The following HIP1R variants were observed in gnomAD, a reference collection of about 807,000 sequenced individuals.
HIP1R encodes the protein huntingtin-interacting protein 1-related protein.
A neutral mutation model predicts 144.2 loss-of-function variants in HIP1R; 135 were observed. The ratio of observed to expected loss-of-function variants is 0.94; its 90% CI spans 0.81 to 1.08. The LOEUF (loss-of-function observed/expected upper bound fraction) is 1.08, where lower values mean the gene tolerates loss of function less well. Ranked by LOEUF, HIP1R falls within the 50% of genes least tolerant of loss-of-function variation. The pLI is 0.00. For missense variants in HIP1R, 1,462 were observed against 1,432.8 expected (o/e 1.02, Z -0.33); for synonymous variants, 698 against 612.8 (o/e 1.14, Z -2.05).
At chr12:122,849,227 C>G (rs2033302706) in intron 4 of HIP1R, among the ~76,000 whole-genome samples, 1 of 152,278 alleles carries the variant, frequency 6.6e-6, no homozygotes, top group Non-Finnish European at 1.5e-5. Flanking sequence ...TTTGAGCACA[C>G]ACACAGTAAG....
chr12:122,860,943 C>T lies in HIP1R; in HGVS notation c.2794C>T (p.Leu932=). The T allele has an allele frequency of 1.2e-6, 2 of 1,613,122 alleles. No homozygotes were observed. Among genetic ancestry groups the T allele is most frequent in the Non-Finnish European group, 8.5e-7 (1 of 1,179,794 alleles). The change falls in exon 29 of 32, where the codon CTG becomes TTG. Residue 932 remains leucine, a synonymous_variant. Transcript: ENST00000253083. ...GAAGGCCAACAAGCACAGCCCCCAC[C>T]TGAGCCGCCTGCAGGAATGTTCTCG... is the stretch of plus-strand genomic sequence containing the variant. ...KVKANKHSPH[L]SRLQECSRTV... is the part of the protein sequence containing the mutation.
chr12:122,854,863 CAG>C (rs2033515125), intron 8 of HIP1R, 40 bp from the exon 9 acceptor site: 1 of 1,592,412 alleles, frequency 6.3e-7, no homozygotes, highest in Non-Finnish European at 8.6e-7. Flanking sequence ...AGCCCCTGAG[CAG>C]TGTGCAGAGA....
At chr12:122,844,835 C>T (rs1178465027) in intron 1 of HIP1R, among the ~76,000 whole-genome samples, 2 of 152,236 alleles carry the variant, frequency 1.3e-5, no homozygotes, top group African/African-American at 4.8e-5. Flanking sequence ...ACCAGCCAGC[C>T]TCTGGCCTGT....
intron 1 of HIP1R, among the ~76,000 whole-genome samples, chr12:122,837,336 T>TTA (rs773668467): frequency 4.0e-5 from 6 of 150,664 alleles, no homozygotes; most frequent in African/African-American, 1.5e-4. Context: ...TTTTTTTTTT[T>TTA]AAAGACAGAG....
At position 122,859,503 on chromosome 12, in the gene HIP1R, C is replaced by G. The variant is rs750381783; in HGVS notation, c.2373C>G (p.Ser791=). 2 of 1,613,296 alleles carry G rather than the reference C, an allele frequency of 1.2e-6. No individual in the cohort carries two copies. The highest frequency in any genetic ancestry group is 2.2e-5 in the South Asian group (2 of 91,074). The change falls in exon 23 of 32, where the codon TCC becomes TCG. Residue 791 remains serine (S), a synonymous_variant. Transcript: ENST00000253083. The stretch of plus-strand genomic sequence containing the variant: ...TCGACAAGGAGATGGCGGCCACATC[C>G]GCAGCCATTGAAGATGCTGTGCGGA... ...AVVDKEMAAT[S]AAIEDAVRRI...
At chr12:122,856,816 G>C in intron 17 of HIP1R, 90 bp downstream of exon 17, 1 of 1,208,036 alleles carries the variant, frequency 8.3e-7, no homozygotes, top group Non-Finnish European at 1.2e-6. Flanking sequence ...GGCCCCACCT[G>C]GGTGCCACTC....
chr12:122,843,537 G>A (rs1283631812), intron 1 of HIP1R, among the ~76,000 whole-genome samples: 1 of 152,196 alleles, frequency 6.6e-6, no homozygotes. Context: ...GCTATCCTGA[G>A]TGTATCTGCA....
At position 122,855,061 on chromosome 12, in the gene HIP1R, ACTT is replaced by A. The variant is rs1234019656; in HGVS notation, c.790_792del (p.Phe264del). On this transcript the variant is annotated inframe_deletion, in exon 10 of 32. Coordinates refer to ENST00000253083, the MANE Select transcript of HIP1R (RefSeq NM_003959.3). ...TCCCACCATCTCTGCAGCCTCAGGA[ACTT>A]CTTCCGCAGAGCCTCCGACATGCTG... 8.1e-6 allele frequency: 13 copies of A among 1,613,626 alleles called. No homozygotes were observed. The highest frequency in any genetic ancestry group is 1.3e-5 in the African/African-American group (1 of 74,872).
rs1418408132 is a variant in HIP1R, at chr12:122,856,633, G to A, written c.1527G>A (p.Glu509=). 1 of 1,605,358 alleles carries A rather than the reference G, an allele frequency of 6.2e-7. No individual in the cohort carries two copies. The highest frequency in any genetic ancestry group is 2.2e-5 in the East Asian group (1 of 44,650). The change falls in exon 17 of 32, where the codon GAG becomes GAA. Residue 509 remains glutamate (E), a synonymous_variant. Transcript: ENST00000253083. The stretch of plus-strand genomic sequence containing the variant: ...ACGCTGTCCTGTCCCAGCTAGAGGA[G>A]AAGAGCGACCAGCTGGAGAAGCTCA... ...VKRESELKLE[E]KSDQLEKLKR... is the part of the protein sequence containing the mutation.
intron 1 of HIP1R, among the ~76,000 whole-genome samples, chr12:122,837,546 T>A (rs555628025): frequency 6.6e-6 from 1 of 152,360 alleles, no homozygotes; most frequent in East Asian, 1.9e-4. Context: ...CTCGAACTCC[T>A]GACCTCAGGC....
At position 122,854,072 on chromosome 12, in the gene HIP1R, G is replaced by T; in HGVS notation, c.607G>T (p.Val203Leu). 1 of 1,613,560 alleles carries T rather than the reference G, an allele frequency of 6.2e-7. No individual in the cohort carries two copies. The highest frequency in any genetic ancestry group is 1.7e-4 in the Middle Eastern group (1 of 6,058). Residue 203 changes from valine (V) to leucine (L), a missense_variant, in exon 8 of 32, where the codon GTA (valine) becomes TTA (leucine). Val to Leu is a conservative substitution (Grantham distance 32). Around this residue, in one of 2 missense-constraint regions of HIP1R, gnomAD observed 350 missense variants for 421.1 expected, o/e 0.83. Transcript: ENST00000253083. ...VFRQLNTAIA[V>L]SQMSSGQCRL... ...CCGACAGCTCAACACGGCCATCGCC[G>T]TATCCCAGATGTCCTCAGGCCAGTG...
At position 122,855,619 on chromosome 12, in the gene HIP1R, G is replaced by T; in HGVS notation, c.1055+7G>T. ...GGTCTGTGAAGGACGACAGGTGAGGGCTGGAGGAGCCGACTGGGCTGGGGG... is the reference window on the plus strand; with the variant it reads ...GGTCTGTGAAGGACGACAGGTGAGGTCTGGAGGAGCCGACTGGGCTGGGGG... On this transcript the variant is annotated splice_region_variant and intron_variant, in intron 12 of 31. Transcript: ENST00000253083. The T allele has an allele frequency of 1.3e-6, 2 of 1,549,976 alleles. No individual in the cohort carries two copies. Among genetic ancestry groups the T allele is most frequent in the Middle Eastern group, 4.0e-4 (2 of 4,974 alleles).
chr12:122,849,021 G>C (rs557452126), intron 4 of HIP1R, among the ~76,000 whole-genome samples, 169 bp downstream of exon 4: 1 of 152,390 alleles, frequency 6.6e-6, no homozygotes, highest in Admixed American at 6.5e-5. Context: ...TTGAGGGCCT[G>C]GCCCAGGGCG....
In HIP1R at chr12:122,859,161, G is replaced by A. The variant is rs1212546225; in HGVS notation, c.2259G>A (p.Val753=). ...TGCGGCACATGCAGGCCAGCCTGGT[G>A]CGGACACCCCTGCAGGGCATCCTTC... ...QALRHMQASL[V]RTPLQGILQL... Residue 753 remains valine (V), a synonymous_variant, in exon 22 of 32, where the codon GTG becomes GTA. Coordinates refer to ENST00000253083, the MANE Select transcript of HIP1R (RefSeq NM_003959.3). 4.4e-6 allele frequency: 7 copies of A among 1,578,786 alleles called. No homozygotes were observed. The highest frequency in any genetic ancestry group is 3.3e-4 in the Middle Eastern group (2 of 5,972).
At position 122,857,208 on chromosome 12, in the gene HIP1R, CAG is replaced by C. The variant is rs2033612842; in HGVS notation, c.1813_1814del (p.Arg605GlyfsTer190). 5.8e-6 allele frequency: 9 copies of C among 1,550,238 alleles called. No individual in the cohort carries two copies. Among genetic ancestry groups the C allele is most frequent in the Non-Finnish European group, 7.8e-6 (9 of 1,146,800 alleles). ...CAGGGCGAGTTGCAGGGCCGGCTGGCAGAGAGGGTATGGCCTCCCCAGATGCA... is the reference window on the plus strand; with the variant it reads ...CAGGGCGAGTTGCAGGGCCGGCTGGCAGAGGGTATGGCCTCCCCAGATGCA... On this transcript the variant is annotated frameshift_variant, in exon 18 of 32. Coordinates refer to ENST00000253083, the MANE Select transcript of HIP1R (RefSeq NM_003959.3). LOFTEE classifies it high-confidence loss of function.
chr12:122,842,623 C>T (rs575981609), intron 1 of HIP1R, among the ~76,000 whole-genome samples: 3 of 152,302 alleles, frequency 2.0e-5, no homozygotes, highest in Non-Finnish European at 4.4e-5. Flanking sequence ...CAGGGTGCCG[C>T]GGGGTTGGCG....
At chr12:122,834,896 A>G (rs1593852587), upstream of HIP1R, 1 of 1,216,576 alleles carries the variant, frequency 8.2e-7, no homozygotes, top group South Asian at 1.3e-5. Flanking sequence ...TGACACATAC[A>G]TTAAGACCAA....
In HIP1R at chr12:122,855,867, A is replaced by G. The variant is rs373240736; in HGVS notation, c.1092A>G (p.Glu364=). 14 of 1,565,142 alleles carry G rather than the reference A, an allele frequency of 8.9e-6. No individual in the cohort carries two copies. Among genetic ancestry groups the G allele is most frequent in the Non-Finnish European group, 1.2e-5 (14 of 1,154,444 alleles). Residue 364 remains glutamate, a synonymous_variant, in exon 13 of 32, where the codon GAA becomes GAG. Transcript: ENST00000253083. The stretch of plus-strand genomic sequence containing the variant: ...TTGAGAGCTTGAAGAGAGAGGTGGA[A>G]ATGCTCCGCTCTGAACTGGAGAAGA... The part of the protein sequence containing the change: ...LQIESLKREV[E]MLRSELEKIK...
chr12:122,848,364 T>C (rs551813321), intron 2 of HIP1R, 102 bp from the exon 3 acceptor site: 15 of 1,425,206 alleles, frequency 1.1e-5, no homozygotes, highest in South Asian at 5.5e-5. Context: ...GGGCACGTGA[T>C]TGGGGGCCGG....
Sources: gnomAD v4.1 joint callset for allele counts (sites outside exome capture counted in the v4.1 genomes callset) on GRCh38, gnomAD v4.1.1 for gene constraint, gnomAD v4.1.1 regional missense constraint, MANE v1.5 for transcripts, NCBI Gene and HGNC (gene_info 2026-07-23, HGNC 2026-07-21) for gene names.